The following ARPC1B variants were observed in gnomAD, a reference collection of about 807,000 sequenced individuals.
The protein encoded by ARPC1B is actin-related protein 2/3 complex subunit 1B.
In ARPC1B, 29 loss-of-function variants were observed where a neutral mutation model predicts 46.0. The ratio of observed to expected loss-of-function variants is 0.63; its 90% confidence interval spans 0.47 to 0.86. The LOEUF is 0.86. Among genes scored for constraint, ARPC1B ranks in the 40% least tolerant of loss-of-function variants. The pLI, the probability that ARPC1B is intolerant of heterozygous loss-of-function variation, is 0.00. For synonymous variants in ARPC1B, 201 were observed against 213.9 expected (o/e 0.94, Z 0.53); for missense variants, 469 against 529.4 (o/e 0.89, Z 1.12).
At chr7:99,378,552 G>A (rs1794100118) in intron 1 of ARPC1B, among the ~76,000 whole-genome samples, 1 of 151,226 alleles carries the variant, frequency 6.6e-6, no homozygotes, top group Admixed American at 6.6e-5. Context: ...GCGTGGTGGT[G>A]GGCACCTGTA....
chr7:99,382,557 A>T (rs1794261082), intron 1 of ARPC1B, among the ~76,000 whole-genome samples: 1 of 151,984 alleles, frequency 6.6e-6, no homozygotes, highest in Non-Finnish European at 1.5e-5. Flanking sequence ...GCAGCCTCAA[A>T]CTCCTAGGCT....
intron 1 of ARPC1B, chr7:99,376,469 G>T (rs1018984557): frequency 2.0e-5 from 3 of 152,226 alleles, no homozygotes; most frequent in African/African-American, 7.2e-5. Flanking sequence ...TGGCCTCCAA[G>T]ATTTGGGGTC....
At chr7:99,389,697 C>T in intron 4 of ARPC1B, 1 of 565,992 alleles carries the variant, frequency 1.8e-6, no homozygotes, top group South Asian at 2.0e-5. Flanking sequence ...GGATAGAGGG[C>T]ACAGAGTTCC....
chr7:99,377,938 A>AG (rs374255205), intron 1 of ARPC1B, among the ~76,000 whole-genome samples: 1,985 of 152,106 alleles, frequency 0.013, 42 homozygotes, highest in African/African-American at 0.046. Flanking sequence ...GTCGGTTGAT[A>AG]GGTCTTTTCT....
At chr7:99,392,472 C>T (rs369328679) in intron 7 of ARPC1B, among the ~76,000 whole-genome samples, 199 bp from the exon 8 acceptor site, 5 of 152,236 alleles carry the variant, frequency 3.3e-5, no homozygotes, top group East Asian at 1.9e-4. Context: ...AGTCCCAACG[C>T]TGGCCTTGCT....
chr7:99,394,779 T>TAAAAA lies in ARPC1B; in HGVS notation c.*308_*312dup, dbSNP rs773085531. The TAAAAA allele has an allele frequency of 1.1e-5, 11 of 958,170 alleles. No individual in the cohort carries two copies. Among genetic ancestry groups the TAAAAA allele is most frequent in the East Asian group, 6.0e-5 (1 of 16,536 alleles). The allele number at this position is 958,170 out of a possible 1,614,324, so 59.4% of individuals were successfully genotyped here. A position where few individuals can be genotyped will look rare whatever the true frequency, so the allele number is the denominator to read the frequency against. ...GTGGAGGTAATAAAATGCAACTGTG[T>TAAAAA]AAAAAAAAAAAAAAAAAAAAAAGTA... On this transcript the variant is annotated 3_prime_UTR_variant, in exon 10 of 10. Coordinates refer to ENST00000646101, the MANE Select transcript of ARPC1B (RefSeq NM_005720.4).
chr7:99,378,774 C>CTTTTTTTTTTTTTT (rs761084621), intron 1 of ARPC1B, among the ~76,000 whole-genome samples: 1 of 106,554 alleles, frequency 9.4e-6, no homozygotes, highest in African/African-American at 4.4e-5. Context: ...TTTTCTTTTT[C>CTTTTTTTTTTTTTT]TTTTTTTTTT....
chr7:99,384,942 C>G (rs1171975521), intron 1 of ARPC1B, among the ~76,000 whole-genome samples: 1 of 148,384 alleles, frequency 6.7e-6, no homozygotes, highest in East Asian at 2.0e-4. Context: ...CAGGTGCCAC[C>G]ACACCTGGCT....
In ARPC1B at chr7:99,379,454, G is replaced by A. The variant is rs117511912; in HGVS notation, c.-14+4673G>A. Among the ~76,000 whole-genome samples the A allele has an allele frequency of 7.9e-5, 12 of 152,270 alleles. No individual in the cohort carries two copies. In the East Asian group the frequency reaches 2.3e-3, roughly 29 times the overall value. Reference sequence around the variant, plus strand: ...GCTGCTCTATCCAAGAACTGCCTGAGCTGGGTGGGGACTTCCCAGAGCGCC... The same window carrying A: ...GCTGCTCTATCCAAGAACTGCCTGAACTGGGTGGGGACTTCCCAGAGCGCC... On this transcript the variant is annotated intron_variant, in intron 1 of 9. Transcript: ENST00000646101.
chr7:99,384,412 C>G (rs1002125424), intron 1 of ARPC1B, among the ~76,000 whole-genome samples: 29 of 150,266 alleles, frequency 1.9e-4, no homozygotes, highest in African/African-American at 7.3e-4. Context: ...CATTGTGAGA[C>G]CCCCCTCTCT....
intron 1 of ARPC1B, among the ~76,000 whole-genome samples, chr7:99,382,146 C>T (rs1432674115): frequency 2.0e-5 from 3 of 152,118 alleles, no homozygotes; most frequent in Non-Finnish European, 4.4e-5. Context: ...AGAATGTATA[C>T]AGAGCACCTG....
At chr7:99,378,430 C>T (rs113635489) in intron 1 of ARPC1B, among the ~76,000 whole-genome samples, 2 of 151,794 alleles carry the variant, frequency 1.3e-5, no homozygotes, top group African/African-American at 4.8e-5. Flanking sequence ...CCTGTAATCC[C>T]AGCACTTTGG....
intron 5 of ARPC1B, among the ~76,000 whole-genome samples, chr7:99,390,436 T>C (rs1421633136): frequency 1.3e-5 from 2 of 151,894 alleles, no homozygotes; most frequent in Non-Finnish European, 2.9e-5. Context: ...TGGCGTGATA[T>C]TGACTCACTG....
At chr7:99,392,920 C>A in intron 8 of ARPC1B, 44 bp downstream of exon 8, 1 of 1,499,620 alleles carries the variant, frequency 6.7e-7, no homozygotes, top group South Asian at 1.3e-5. Flanking sequence ...GGCCTCGGCT[C>A]GCCCAGAAAC....
intron 3 of ARPC1B, among the ~76,000 whole-genome samples, chr7:99,387,823 C>G (rs528508340): frequency 6.6e-6 from 1 of 151,388 alleles, no homozygotes; most frequent in Non-Finnish European, 1.5e-5. Flanking sequence ...TTGCTTGAAC[C>G]TGGGAGGCAG....
chr7:99,383,725 AG>A (rs1794296072), intron 1 of ARPC1B, among the ~76,000 whole-genome samples: 1 of 152,188 alleles, frequency 6.6e-6, no homozygotes, highest in Non-Finnish European at 1.5e-5. Flanking sequence ...AGAGTGTCAC[AG>A]GCCTAGGGAA....
intron 1 of ARPC1B, among the ~76,000 whole-genome samples, chr7:99,382,679 G>A (rs557186093): frequency 3.3e-5 from 5 of 151,880 alleles, no homozygotes; most frequent in African/African-American, 7.2e-5. Context: ...TCACTGTATC[G>A]CCCATGCTTG....
chr7:99,380,343 G>A (rs750922455), intron 1 of ARPC1B, among the ~76,000 whole-genome samples: 13 of 152,290 alleles, frequency 8.5e-5, no homozygotes, highest in Middle Eastern at 3.4e-3. Context: ...TCGCAGAGGC[G>A]CTTTGGGTTT....
intron 5 of ARPC1B, 163 bp from the exon 6 acceptor site, chr7:99,390,730 C>T (rs910613816): frequency 2.2e-5 from 13 of 586,622 alleles, no homozygotes; most frequent in Non-Finnish European, 3.8e-5. Context: ...GACAGTCTCA[C>T]TCTGTTGCCC....
Sources: allele counts gnomAD v4.1 joint callset (sites outside exome capture counted in the v4.1 genomes callset), GRCh38; gene constraint gnomAD v4.1.1; transcripts MANE v1.5; gene names NCBI Gene and HGNC (gene_info 2026-07-23, HGNC 2026-07-21).